Variants in DTX1 observed in about 807,000 individuals in gnomAD.
DTX1 encodes deltex E3 ubiquitin ligase 1, also known as E3 ubiquitin-protein ligase DTX1.
In DTX1, 26 loss-of-function variants were observed where a neutral mutation model predicts 57.8. That is an observed-to-expected ratio of 0.45 (90% confidence interval 0.33 to 0.62). DTX1 has a LOEUF of 0.62. Ranked by LOEUF, DTX1 falls within the 20% of genes least tolerant of loss-of-function variation. The probability of loss-of-function intolerance (pLI) is 0.02; values close to 1 mark genes in which losing one functional copy is unlikely to be tolerated. For missense variants in DTX1, 704 were observed against 895.3 expected, an observed-to-expected ratio of 0.79 and a Z score of 2.73; for synonymous variants, 398 against 394.1, an observed-to-expected ratio of 1.01 and a Z score of -0.12.
intron 2 of DTX1, among the ~76,000 whole-genome samples, chr12:113,064,853 G>A (rs142778629): frequency 1.3e-5 from 2 of 152,376 alleles, no homozygotes; most frequent in African/African-American, 4.8e-5. Context: ...TCAGCCATGG[G>A]ATGTGCATGG....
At position 113,094,889 on chromosome 12, in the gene DTX1, G is replaced by T. The variant is rs368498328; in HGVS notation, c.1328G>T (p.Arg443Leu). ...CCTGAGCTCGTGGGCCGCCTGGGCC[G>T]CTGTGGCCACATGTACCACCTGCTG... ...VRPELVGRLG[R>L]CGHMYHLLCL... The change falls in exon 7 of 10, where the codon CGC (arginine) becomes CTC (leucine). Residue 443 changes from arginine (R) to leucine (L), a missense_variant. By Grantham distance (102) the Arg-to-Leu change is moderately radical. Around this residue, in one of 3 missense-constraint regions of DTX1, gnomAD observed 168 missense variants for 255.6 expected, o/e 0.66. Coordinates refer to ENST00000548759, the MANE Select transcript of DTX1 (RefSeq NM_004416.3). 1.4e-5 allele frequency: 22 copies of T among 1,613,576 alleles called. No homozygotes were observed. The highest frequency in any genetic ancestry group is 6.7e-5 in the African/African-American group (5 of 74,946).
intron 2 of DTX1, among the ~76,000 whole-genome samples, chr12:113,066,706 A>G (rs1244978674): frequency 7.8e-6 from 1 of 128,268 alleles, no homozygotes. Context: ...ATGAGCACCT[A>G]CTGTGTGCCA....
Position 113,093,762 on chromosome 12 carries a change from G to A in DTX1, c.1165+62G>A. The A allele has an allele frequency of 6.3e-7, 1 of 1,590,644 alleles. No homozygotes were observed. The highest frequency in any genetic ancestry group is 8.6e-7 in the Non-Finnish European group (1 of 1,165,214). Reference sequence around the variant, plus strand: ...CCCACTAAGCCTTGACCACAACTCTGTGACCCCTGGTCTCCAACTTATTCT... The same window carrying A: ...CCCACTAAGCCTTGACCACAACTCTATGACCCCTGGTCTCCAACTTATTCT... On this transcript the variant is annotated intron_variant, in intron 5 of 9. Transcript: ENST00000548759. This position sits in a 1 kb window ranked among gnomAD's most constrained non-coding sequence, Gnocchi z 4.2.
chr12:113,068,561 C>CA (rs1003643728), intron 2 of DTX1, among the ~76,000 whole-genome samples: 3 of 152,196 alleles, frequency 2.0e-5, no homozygotes, highest in African/African-American at 7.2e-5. Context: ...TAACCGCACA[C>CA]ACGGTATGTT....
chr12:113,081,254 G>A (rs767108880), intron 3 of DTX1, among the ~76,000 whole-genome samples: 5 of 151,928 alleles, frequency 3.3e-5, no homozygotes, highest in Admixed American at 2.0e-4. Context: ...GCGTGAACCC[G>A]GGAGGTGGAG....
intron 3 of DTX1, among the ~76,000 whole-genome samples, chr12:113,090,886 A>G (rs1415415264): frequency 6.6e-6 from 1 of 152,198 alleles, no homozygotes; most frequent in Non-Finnish European, 1.5e-5. Flanking sequence ...GGGTCAGAGC[A>G]TGTGCGCATG....
rs777971051 is a variant in DTX1 at position 113,094,921 on chromosome 12, G to A, written c.1360G>A (p.Val454Met). ...CGHMYHLLCLVAMYSNGNKDG... is the reference protein window; with the variant it reads ...CGHMYHLLCLMAMYSNGNKDG... ...CCACATGTACCACCTGCTGTGCCTC[G>A]TGGCCATGTACTCCAATGGCAACAA... Residue 454 changes from valine to methionine, a missense_variant, in exon 7 of 10, where the codon GTG (valine) becomes ATG (methionine). Coordinates refer to ENST00000548759, the MANE Select transcript of DTX1 (RefSeq NM_004416.3). 29 of 1,613,564 alleles carry A rather than the reference G, an allele frequency of 1.8e-5. No individual in the cohort carries two copies. In the Middle Eastern group the frequency reaches 9.9e-4, roughly 55 times the overall value.
intron 3 of DTX1, among the ~76,000 whole-genome samples, chr12:113,090,917 C>T (rs1287973725): frequency 6.6e-6 from 1 of 152,174 alleles, no homozygotes; most frequent in African/African-American, 2.4e-5. Flanking sequence ...TGCAGTGAGT[C>T]AGCGTGTCCT....
At chr12:113,096,673 C>T in intron 9 of DTX1, 42 bp from the exon 10 acceptor site, 3 of 1,560,510 alleles carry the variant, frequency 1.9e-6, no homozygotes, top group African/African-American at 1.4e-5. Flanking sequence ...TGGAAGCTGC[C>T]TGTGACCTCC....
chr12:113,077,546 A>C lies in DTX1; in HGVS notation c.382A>C (p.Thr128Pro), dbSNP rs2044781733. 6.2e-7 allele frequency: 1 copy of C among 1,613,650 alleles called. No individual in the cohort carries two copies. Among genetic ancestry groups the C allele is most frequent in the Non-Finnish European group, 8.5e-7 (1 of 1,179,898 alleles). Residue 128 changes from threonine to proline, a missense_variant, in exon 3 of 10, where the codon ACC becomes CCC. This residue lies in a region of DTX1 where 237 missense variants were observed against 328.6 expected (regional missense o/e 0.72). Coordinates refer to ENST00000548759, the MANE Select transcript of DTX1 (RefSeq NM_004416.3). This position sits in a 1 kb window ranked among gnomAD's most constrained non-coding sequence, Gnocchi z 7.8. ...WTAYDMDICI[T>P]IQNAYEKQHP... ...GGCCTACGATATGGACATCTGCATCACCATCCAGAACGCCTACGAGAAGCA... is the reference window on the plus strand; with the variant it reads ...GGCCTACGATATGGACATCTGCATCCCCATCCAGAACGCCTACGAGAAGCA...
At chr12:113,063,304 A>G (rs1312066521) in intron 2 of DTX1, among the ~76,000 whole-genome samples, 2 of 152,210 alleles carry the variant, frequency 1.3e-5, no homozygotes, top group Admixed American at 6.5e-5. Context: ...CTCCCAGAGA[A>G]GAAGCCACAT....
chr12:113,093,445 A>AACCC lies in DTX1; in HGVS notation c.1004-94_1004-93insACCC. 1 of 565,018 alleles carries AACCC rather than the reference A, an allele frequency of 1.8e-6. No homozygotes were observed. The highest frequency in any genetic ancestry group is 2.8e-6 in the Non-Finnish European group (1 of 358,484). 35.0% of individuals were successfully genotyped at this position (565,018 alleles called of 1,614,324 possible). ...TGGGGCCCAAGAGCGCAACCCTCCCACCCACCCGAGGGCCCCGGGATTCCC... is the reference window on the plus strand; with the variant it reads ...TGGGGCCCAAGAGCGCAACCCTCCCAACCCCCCACCCGAGGGCCCCGGGATTCCC... On this transcript the variant is annotated intron_variant, in intron 4 of 9. Transcript: ENST00000548759. This position sits in a 1 kb window ranked among gnomAD's most constrained non-coding sequence, Gnocchi z 4.2.
At chr12:113,092,961 G>C (rs1171174344) in intron 3 of DTX1, among the ~76,000 whole-genome samples, 1 of 152,202 alleles carries the variant, frequency 6.6e-6, no homozygotes, top group Non-Finnish European at 1.5e-5. Flanking sequence ...TTGGAACCTG[G>C]GCGGAGGTCC....
intron 2 of DTX1, among the ~76,000 whole-genome samples, chr12:113,059,707 C>A (rs1485990611): frequency 6.6e-6 from 1 of 152,140 alleles, no homozygotes; most frequent in African/African-American, 2.4e-5. Context: ...TCCTATGAAT[C>A]CCTGGATGAC....
intron 2 of DTX1, among the ~76,000 whole-genome samples, chr12:113,068,011 C>T (rs2044715370): frequency 6.6e-6 from 1 of 152,074 alleles, no homozygotes; most frequent in Non-Finnish European, 1.5e-5. Flanking sequence ...TGCAATCCAC[C>T]CTGGGCAACA....
chr12:113,064,237 G>A (rs11066484), intron 2 of DTX1, among the ~76,000 whole-genome samples: 1 of 152,140 alleles, frequency 6.6e-6, no homozygotes, highest in Non-Finnish European at 1.5e-5. Context: ...GGCAGGGAGC[G>A]GCCCATCTCT....
rs3741986 is a variant in DTX1 at position 113,093,976 on chromosome 12, G to A, written c.1166-62G>A. The A allele has an allele frequency of 1.3e-3, 2,020 of 1,553,114 alleles. 49 individuals are homozygous for A. The East Asian group carries it at 0.035, about 27-fold the overall frequency. ...GCCCTCTGACCCCTGACCCAGTTCT[G>A]AGCCAAGCCTTCGGGGACAGACTCT... On this transcript the variant is annotated intron_variant, in intron 5 of 9. Transcript: ENST00000548759. The surrounding 1 kb of genome is among the most constrained non-coding windows in gnomAD (Gnocchi z 4.2).
At chr12:113,063,627 C>T (rs999887624) in intron 2 of DTX1, among the ~76,000 whole-genome samples, 1 of 152,226 alleles carries the variant, frequency 6.6e-6, no homozygotes, top group Non-Finnish European at 1.5e-5. Flanking sequence ...ATGCCATACC[C>T]GAGGCTGCAA....
chr12:113,095,006 G>C, intron 7 of DTX1, 36 bp from the exon 8 acceptor site: 1 of 1,604,124 alleles, frequency 6.2e-7, no homozygotes, highest in South Asian at 1.1e-5. Flanking sequence ...GGTTTGGGGG[G>C]GTGCTGGGAA....
Sources: allele counts gnomAD v4.1 joint callset (sites outside exome capture counted in the v4.1 genomes callset), GRCh38; gene constraint gnomAD v4.1.1; regional missense constraint gnomAD v4.1.1; non-coding constraint Gnocchi (gnomAD v3.1); transcripts MANE v1.5; gene names NCBI Gene and HGNC (gene_info 2026-07-23, HGNC 2026-07-21).